The following GRIK3 variants were observed in gnomAD, a reference collection of about 807,000 sequenced individuals.
GRIK3 encodes the protein glutamate receptor ionotropic, kainate 3.
A neutral mutation model predicts 102.5 loss-of-function variants in GRIK3; 29 were observed. That is an observed-to-expected ratio of 0.28 (90% confidence interval 0.21 to 0.39). GRIK3 has a LOEUF of 0.39. GRIK3 is among the 10% of genes least tolerant of loss of function. The pLI, the probability that GRIK3 is intolerant of heterozygous loss-of-function variation, is 1.00. For synonymous variants in GRIK3, 511 were observed against 504.9 expected (o/e 1.01, Z -0.16); for missense variants, 908 against 1,252.4 (o/e 0.73, Z 4.15).
intron 1 of GRIK3, among the ~76,000 whole-genome samples, chr1:37,000,440 A>G (rs1016690758): frequency 6.6e-6 from 1 of 152,180 alleles, no homozygotes; most frequent in African/African-American, 2.4e-5. Context: ...CAGAGGGGGA[A>G]AATGAAGTTC....
intron 1 of GRIK3, among the ~76,000 whole-genome samples, chr1:36,980,160 T>C (rs1642234855): frequency 6.6e-6 from 1 of 152,218 alleles, no homozygotes; most frequent in Non-Finnish European, 1.5e-5. Flanking sequence ...CTCTACACAG[T>C]AATCAGAGGG....
At chr1:36,833,054 G>T (rs1640329095) in intron 10 of GRIK3, among the ~76,000 whole-genome samples, 1 of 152,150 alleles carries the variant, frequency 6.6e-6, no homozygotes, top group African/African-American at 2.4e-5. Context: ...AGTGTGGGGA[G>T]TGAGCTTGTT....
chr1:36,971,732 T>G (rs1179185647), intron 1 of GRIK3, among the ~76,000 whole-genome samples: 3 of 152,154 alleles, frequency 2.0e-5, no homozygotes, highest in Non-Finnish European at 4.4e-5. Context: ...GCTCAAAGAC[T>G]TCTAGGTGGA....
chr1:36,890,425 C>G (rs1641100966), intron 2 of GRIK3, among the ~76,000 whole-genome samples: 1 of 151,458 alleles, frequency 6.6e-6, no homozygotes, highest in Non-Finnish European at 1.5e-5. Context: ...GATCGCACCA[C>G]TGTACTCCAG....
chr1:36,804,658 G>C, intron 15 of GRIK3: 2 of 467,782 alleles, frequency 4.3e-6, no homozygotes, highest in East Asian at 6.7e-5. Context: ...AAATGATATG[G>C]TTTGAATTAA....
chr1:36,811,733 A>G (rs961174637), intron 13 of GRIK3, among the ~76,000 whole-genome samples: 27 of 152,210 alleles, frequency 1.8e-4, no homozygotes, highest in African/African-American at 6.5e-4. Flanking sequence ...TGTTCAGCCA[A>G]CTGGAGGGCT....
chr1:36,842,635 G>A (rs1361439401), intron 9 of GRIK3, among the ~76,000 whole-genome samples: 1 of 152,248 alleles, frequency 6.6e-6, no homozygotes, highest in African/African-American at 2.4e-5. Context: ...GTAGGTGGCT[G>A]TGCCGGGCAC....
intron 10 of GRIK3, among the ~76,000 whole-genome samples, chr1:36,830,832 A>AAAAAG (rs1194270122): frequency 6.7e-6 from 1 of 150,140 alleles, no homozygotes; most frequent in Non-Finnish European, 1.5e-5. Context: ...AAAAAAAAAA[A>AAAAAG]AAAAGAAAAG....
At chr1:36,828,350 C>T (rs374430910) in intron 10 of GRIK3, among the ~76,000 whole-genome samples, 2 of 152,208 alleles carry the variant, frequency 1.3e-5, no homozygotes, top group African/African-American at 4.8e-5. Context: ...CATGTGCTGC[C>T]TAACTCTCTT....
intron 1 of GRIK3, among the ~76,000 whole-genome samples, chr1:36,925,357 A>T (rs1247332878): frequency 2.0e-5 from 3 of 152,242 alleles, no homozygotes; most frequent in African/African-American, 7.2e-5. Context: ...ACTCTGTCCC[A>T]GCCCCCAGGG....
intron 1 of GRIK3, among the ~76,000 whole-genome samples, chr1:37,003,018 G>GTTTTT (rs1306169886): frequency 3.6e-5 from 3 of 82,578 alleles, no homozygotes; most frequent in African/African-American, 1.5e-4. Context: ...AATAAAAGCT[G>GTTTTT]TTGTTTTTTT....
At chr1:36,858,816 G>A (rs958100759) in intron 7 of GRIK3, among the ~76,000 whole-genome samples, 6 of 152,172 alleles carry the variant, frequency 3.9e-5, no homozygotes, top group Admixed American at 2.0e-4. Flanking sequence ...CAGCGAGGAA[G>A]CAAACACCCT....
intron 1 of GRIK3, among the ~76,000 whole-genome samples, chr1:36,922,824 A>G (rs559111471): frequency 6.6e-6 from 1 of 152,210 alleles, no homozygotes; most frequent in East Asian, 1.9e-4. Context: ...TCCACTCCCT[A>G]AACCCCTGAG....
chr1:37,030,550 C>CT (rs976751082), intron 1 of GRIK3, among the ~76,000 whole-genome samples: 2 of 121,392 alleles, frequency 1.6e-5, no homozygotes, highest in African/African-American at 7.7e-5. Context: ...CCACCCCCTC[C>CT]CCCCCCCCAA....
chr1:36,898,825 A>G (rs929197148), intron 1 of GRIK3, among the ~76,000 whole-genome samples: 23 of 152,210 alleles, frequency 1.5e-4, no homozygotes, highest in African/African-American at 5.5e-4. Flanking sequence ...TAATCAAAAC[A>G]GTGTGATACT....
At chr1:36,845,807 G>T (rs951998340) in intron 9 of GRIK3, among the ~76,000 whole-genome samples, 1 of 152,140 alleles carries the variant, frequency 6.6e-6, no homozygotes, top group African/African-American at 2.4e-5. Context: ...GCCTAGAATC[G>T]TTCCCAGCCT....
chr1:36,854,985 C>T (rs1640634258), intron 7 of GRIK3, among the ~76,000 whole-genome samples: 1 of 152,206 alleles, frequency 6.6e-6, no homozygotes. Flanking sequence ...TTCCCTCCTC[C>T]AGGAACTTAG....
intron 1 of GRIK3, among the ~76,000 whole-genome samples, chr1:36,966,626 G>A (rs941504268): frequency 2.6e-5 from 4 of 151,998 alleles, no homozygotes; most frequent in East Asian, 1.9e-4. Flanking sequence ...CCATGTAAGA[G>A]CCCTCTTTTC....
At position 36,850,470 on chromosome 1, in the gene GRIK3, C is replaced by T. The variant is rs757446155; in HGVS notation, c.1213-46G>A. 14 of 1,121,244 alleles carry T rather than the reference C, an allele frequency of 1.2e-5. No individual in the cohort carries two copies. The highest frequency in any genetic ancestry group is 1.8e-5 in the Non-Finnish European group (13 of 730,852). The allele number at this position is 1,121,244 out of a possible 1,614,324, so 69.5% of individuals were successfully genotyped here. On this transcript the variant is annotated intron_variant, in intron 8 of 15. Coordinates refer to ENST00000373091, the MANE Select transcript of GRIK3 (RefSeq NM_000831.4). The surrounding 1 kb of genome is among the most constrained non-coding windows in gnomAD (Gnocchi z 4.0). ...AACAGGGTGCCGAGTCCTTGGTCTA[C>T]CCATCTTCCTCCATATCGACAAGAC...
Sources: allele counts gnomAD v4.1 joint callset (sites outside exome capture counted in the v4.1 genomes callset), GRCh38; gene constraint gnomAD v4.1.1; non-coding constraint Gnocchi (gnomAD v3.1); transcripts MANE v1.5; gene names NCBI Gene and HGNC (gene_info 2026-07-23, HGNC 2026-07-21).